The following GPHN variants were observed in gnomAD, a reference collection of about 807,000 sequenced individuals.
The protein encoded by GPHN is gephyrin.
Under a neutral mutation model 95.5 loss-of-function variants are expected in GPHN, and 17 were observed. The observed-to-expected ratio is 0.18, with a 90% CI of 0.12 to 0.27. The LOEUF (loss-of-function observed/expected upper bound fraction) is 0.27. Ranked by LOEUF, GPHN falls within the 10% of genes least tolerant of loss-of-function variation. GPHN has a pLI of 1.00. For synonymous variants in GPHN, 320 were observed against 322.5 expected (o/e 0.99, Z 0.08); for missense variants, 660 against 978.1 (o/e 0.67, Z 4.34).
At chr14:67,589,453 G>C in the GPHN span, 2 of 985,110 alleles carry the variant, frequency 2.0e-6, no homozygotes, top group Non-Finnish European at 2.4e-6. Context: ...CTGAGTAACA[G>C]AAAAGTATTA....
the GPHN span, chr14:67,395,456 T>C: frequency 6.2e-7 from 1 of 1,613,922 alleles, no homozygotes; most frequent in African/African-American, 1.3e-5. Context: ...GTGCAGCTGC[T>C]GGACCTTCCC....
chr14:67,485,330 A>G, the GPHN span, among the ~76,000 whole-genome samples: 5 of 152,214 alleles, frequency 3.3e-5, no homozygotes, highest in African/African-American at 2.4e-5. Context: ...CAACTCAAGA[A>G]CACACTTCCT....
chr14:66,643,191 A>G (rs2064530029), intron 1 of GPHN, among the ~76,000 whole-genome samples: 1 of 152,122 alleles, frequency 6.6e-6, no homozygotes, highest in African/African-American at 2.4e-5. Context: ...AATGCAAGCT[A>G]AAACCACAGC....
At chr14:67,422,833 T>TC in the GPHN span, among the ~76,000 whole-genome samples, 1 of 149,586 alleles carries the variant, frequency 6.7e-6, no homozygotes, top group Non-Finnish European at 1.5e-5. Flanking sequence ...CATCTTTTTT[T>TC]TTTTTTTTTT....
chr14:67,036,083 A>G (rs2074407245), intron 10 of GPHN, among the ~76,000 whole-genome samples: 3 of 151,982 alleles, frequency 2.0e-5, no homozygotes, highest in Non-Finnish European at 4.4e-5. Context: ...ATGAAAATCA[A>G]TAAATGTAAT....
chr14:66,606,298 T>G (rs980707370), intron 1 of GPHN, among the ~76,000 whole-genome samples: 3 of 152,102 alleles, frequency 2.0e-5, no homozygotes, highest in Admixed American at 2.0e-4. Flanking sequence ...AATCAGATGG[T>G]TATGGGTGTA....
At chr14:66,671,251 G>A (rs1166986226) in intron 1 of GPHN, among the ~76,000 whole-genome samples, 4 of 152,176 alleles carry the variant, frequency 2.6e-5, no homozygotes, top group Non-Finnish European at 4.4e-5. Context: ...CTTTGAGCGT[G>A]TCATTGCATT....
chr14:67,299,376 A>G, the GPHN span, among the ~76,000 whole-genome samples: 50 of 152,346 alleles, frequency 3.3e-4, no homozygotes, highest in African/African-American at 1.2e-3. Flanking sequence ...ATCCCTAAGT[A>G]TAATAAAAGT....
chr14:66,956,970 G>C (rs370838883), intron 8 of GPHN, among the ~76,000 whole-genome samples: 1 of 110,598 alleles, frequency 9.0e-6, no homozygotes, highest in African/African-American at 3.6e-5. Flanking sequence ...GTTGTGGGGT[G>C]GGGGGAGGGG....
chr14:67,439,565 C>CTTTCTTTCTT, the GPHN span, among the ~76,000 whole-genome samples: 2 of 124,474 alleles, frequency 1.6e-5, no homozygotes. Flanking sequence ...TTCTTTCTTT[C>CTTTCTTTCTT]TTTCTTTCTT....
At chr14:67,145,475 A>G (rs1318579735) in intron 18 of GPHN, among the ~76,000 whole-genome samples, 1 of 152,224 alleles carries the variant, frequency 6.6e-6, no homozygotes, top group African/African-American at 2.4e-5. Context: ...TCTGTATAAT[A>G]AGATACTTAC....
At chr14:67,289,813 C>T in the GPHN span, among the ~76,000 whole-genome samples, 3 of 148,452 alleles carry the variant, frequency 2.0e-5, no homozygotes, top group African/African-American at 7.5e-5. Context: ...CTCTGTCGCC[C>T]AAGCTGGAGT....
chr14:66,834,255 G>A (rs920624231), intron 4 of GPHN, among the ~76,000 whole-genome samples: 6 of 151,882 alleles, frequency 4.0e-5, no homozygotes, highest in Non-Finnish European at 8.8e-5. Flanking sequence ...TTTCTACCAG[G>A]CACAGACTTA....
chr14:66,846,115 G>A (rs574721596), intron 4 of GPHN, among the ~76,000 whole-genome samples: 2 of 152,152 alleles, frequency 1.3e-5, no homozygotes, highest in Non-Finnish European at 2.9e-5. Context: ...CTTTCAATCT[G>A]TTAGGTGATA....
intron 5 of GPHN, among the ~76,000 whole-genome samples, chr14:66,890,794 G>T (rs1403569330): frequency 1.5e-5 from 2 of 131,316 alleles, no homozygotes; most frequent in Non-Finnish European, 3.0e-5. Context: ...CACAGTAGCA[G>T]AATGGAGGGA....
At chr14:67,377,472 T>A in the GPHN span, among the ~76,000 whole-genome samples, 10 of 152,234 alleles carry the variant, frequency 6.6e-5, no homozygotes, top group Non-Finnish European at 1.3e-4. Flanking sequence ...GTATGCTCAC[T>A]ACCTATTTTA....
chr14:66,932,455 T>TG (rs1567118371), intron 8 of GPHN, among the ~76,000 whole-genome samples: 23 of 112,256 alleles, frequency 2.0e-4, no homozygotes, highest in African/African-American at 4.2e-4. Context: ...TTTTTTTTTT[T>TG]TTTTTTTTTT....
chr14:67,079,343 G>C (rs965732922), intron 11 of GPHN, among the ~76,000 whole-genome samples: 2 of 151,968 alleles, frequency 1.3e-5, no homozygotes, highest in Non-Finnish European at 2.9e-5. Context: ...CAGACGTGTA[G>C]CCATCACCAC....
chr14:67,519,849 T>A, the GPHN span, among the ~76,000 whole-genome samples: 1 of 151,906 alleles, frequency 6.6e-6, no homozygotes, highest in African/African-American at 2.4e-5. Context: ...CAGCCTCCCA[T>A]GTAGCTGGGA....
Sources: gnomAD v4.1 joint callset for allele counts (sites outside exome capture counted in the v4.1 genomes callset) on GRCh38, gnomAD v4.1.1 for gene constraint, MANE v1.5 for transcripts, NCBI Gene and HGNC (gene_info 2026-07-23, HGNC 2026-07-21) for gene names.